Variants in ADARB2 observed in about 807,000 individuals in gnomAD.
The protein encoded by ADARB2 is adenosine deaminase RNA specific B2 (inactive), also known as inactive double-stranded RNA-specific editase B2.
A neutral mutation model predicts 62.2 loss-of-function variants in ADARB2; 25 were observed. That is an observed-to-expected ratio of 0.40 (90% CI 0.29 to 0.56). ADARB2 has a LOEUF of 0.56. Among genes scored for constraint, ADARB2 ranks in the 20% least tolerant of loss-of-function variants. ADARB2 has a pLI of 0.43. For synonymous variants in ADARB2, 572 were observed against 500.8 expected, an observed-to-expected ratio of 1.14 and a Z score of -1.90; for missense variants, 1,071 against 1,077.4, an observed-to-expected ratio of 0.99 and a Z score of 0.08.
At chr10:1,663,221 A>G (rs971160053) in intron 1 of ADARB2, among the ~76,000 whole-genome samples, 4 of 152,226 alleles carry the variant, frequency 2.6e-5, no homozygotes, top group Admixed American at 1.3e-4. Context: ...CTCCTTGTAC[A>G]CAGTTTGTCC....
At position 1,559,233 on chromosome 10, in the gene ADARB2, G is replaced by A. The variant is rs546545785; in HGVS notation, c.100+177818C>T. Among the ~76,000 whole-genome samples, 9 of 152,344 alleles carry A rather than the reference G, an allele frequency of 5.9e-5. No individual in the cohort carries two copies. The East Asian group carries it at 1.7e-3, about 29-fold the overall frequency. ...TTTTATGGAAATACACATTGCTGTG[G>A]GAGAGGAAAGAGGGCTGAACAGATC... is the stretch of plus-strand genomic sequence containing the variant. On this transcript the variant is annotated intron_variant, in intron 1 of 9. Transcript: ENST00000381312.
intron 4 of ADARB2, among the ~76,000 whole-genome samples, chr10:1,257,487 T>C (rs1177493009): frequency 6.6e-6 from 1 of 152,144 alleles, no homozygotes; most frequent in Non-Finnish European, 1.5e-5. Context: ...CAGATGCCCA[T>C]CCCCTCTCTA....
chr10:1,589,657 G>A (rs1222435366), intron 1 of ADARB2, among the ~76,000 whole-genome samples: 2 of 152,158 alleles, frequency 1.3e-5, no homozygotes, highest in Admixed American at 1.3e-4. Context: ...CCCATCCCAT[G>A]TTTCAGGAGG....
At chr10:1,288,194 T>C (rs1831430993) in intron 3 of ADARB2, among the ~76,000 whole-genome samples, 1 of 152,240 alleles carries the variant, frequency 6.6e-6, no homozygotes, top group Admixed American at 6.5e-5. Flanking sequence ...ATTTCTGCTT[T>C]TATTTCACCC....
At chr10:1,502,232 G>C (rs950315517) in intron 1 of ADARB2, among the ~76,000 whole-genome samples, 1 of 152,204 alleles carries the variant, frequency 6.6e-6, no homozygotes, top group African/African-American at 2.4e-5. Context: ...CCCCCAGCGG[G>C]GCTCTGTGAT....
chr10:1,420,675 G>A (rs1221240737), intron 1 of ADARB2, among the ~76,000 whole-genome samples: 1 of 151,118 alleles, frequency 6.6e-6, no homozygotes, highest in Non-Finnish European at 1.5e-5. Flanking sequence ...GAGAGCGAGT[G>A]AGCACAGCGC....
intron 1 of ADARB2, among the ~76,000 whole-genome samples, chr10:1,611,114 A>G (rs972922175): frequency 2.0e-5 from 3 of 152,176 alleles, no homozygotes. Context: ...ACAAAGGGCA[A>G]GGGAGGGGGA....
At chr10:1,462,559 CTGTG>C (rs1448164416) in intron 1 of ADARB2, among the ~76,000 whole-genome samples, 16 of 148,462 alleles carry the variant, frequency 1.1e-4, no homozygotes, top group South Asian at 2.2e-4. Context: ...GTGTATGTGC[CTGTG>C]TGTATGTGCC....
chr10:1,446,917 C>T (rs1830978216), intron 1 of ADARB2, among the ~76,000 whole-genome samples: 2 of 152,156 alleles, frequency 1.3e-5, no homozygotes, highest in African/African-American at 2.4e-5. Context: ...ACGCAATTGT[C>T]AAGGGTTTAT....
intron 6 of ADARB2, among the ~76,000 whole-genome samples, chr10:1,230,447 C>A (rs936027282): frequency 6.6e-6 from 1 of 152,202 alleles, no homozygotes; most frequent in Non-Finnish European, 1.5e-5. Flanking sequence ...ACAGCAAAAG[C>A]CTGGCCACTG....
At chr10:1,690,953 C>T (rs1482446407) in intron 1 of ADARB2, among the ~76,000 whole-genome samples, 2 of 152,196 alleles carry the variant, frequency 1.3e-5, no homozygotes, top group Admixed American at 6.5e-5. Context: ...TTTGCCCCTG[C>T]CTGCCTCTCA....
At chr10:1,356,803 T>C (rs900437808) in intron 3 of ADARB2, among the ~76,000 whole-genome samples, 2 of 152,186 alleles carry the variant, frequency 1.3e-5, no homozygotes, top group Non-Finnish European at 2.9e-5. Flanking sequence ...GAGAACTAAC[T>C]TCAAACAAGC....
At chr10:1,499,093 C>T (rs1359501346) in intron 1 of ADARB2, among the ~76,000 whole-genome samples, 2 of 151,912 alleles carry the variant, frequency 1.3e-5, no homozygotes, top group African/African-American at 2.4e-5. Flanking sequence ...AGTCATTACT[C>T]ACTCATCACT....
intron 4 of ADARB2, among the ~76,000 whole-genome samples, chr10:1,243,528 T>C (rs2131778029): frequency 6.6e-6 from 1 of 152,340 alleles, no homozygotes; most frequent in East Asian, 1.9e-4. Flanking sequence ...TGACTTTTTC[T>C]CCCCTGAGAA....
chr10:1,200,351 GC>G (rs2131742319), intron 7 of ADARB2: 1 of 660,766 alleles, frequency 1.5e-6, no homozygotes. Context: ...GGCTCCACAG[GC>G]CCATGTGTGC....
chr10:1,419,822 T>G (rs1415552425), intron 1 of ADARB2, among the ~76,000 whole-genome samples: 3 of 152,274 alleles, frequency 2.0e-5, no homozygotes, highest in Non-Finnish European at 4.4e-5. Flanking sequence ...AGGGATTCGT[T>G]AGCTCTCACA....
chr10:1,258,475 G>GGAAAA (rs527587048), intron 4 of ADARB2, among the ~76,000 whole-genome samples: 1 of 151,992 alleles, frequency 6.6e-6, no homozygotes, highest in African/African-American at 2.4e-5. Flanking sequence ...CAAGCAAATG[G>GGAAAA]CAAACAAAGG....
At chr10:1,621,271 T>G (rs1426688673) in intron 1 of ADARB2, among the ~76,000 whole-genome samples, 1 of 152,212 alleles carries the variant, frequency 6.6e-6, no homozygotes, top group Admixed American at 6.5e-5. Context: ...TTAGCAAGAT[T>G]GCAGGACATA....
At chr10:1,355,406 T>G (rs966743946) in intron 3 of ADARB2, among the ~76,000 whole-genome samples, 1 of 152,218 alleles carries the variant, frequency 6.6e-6, no homozygotes, top group African/African-American at 2.4e-5. Flanking sequence ...GACTAGACTT[T>G]GGACGTGGGA....
Sources: gnomAD v4.1 joint callset for allele counts (sites outside exome capture counted in the v4.1 genomes callset) on GRCh38, gnomAD v4.1.1 for gene constraint, MANE v1.5 for transcripts, NCBI Gene and HGNC (gene_info 2026-07-23, HGNC 2026-07-21) for gene names.